Variants in NLGN1 observed in about 807,000 individuals in gnomAD.
NLGN1 encodes neuroligin 1, also known as neuroligin-1.
NLGN1 carries 12 observed loss-of-function variants against 65.5 expected under a neutral mutation model. The ratio of observed to expected loss-of-function variants is 0.18; its 90% CI spans 0.12 to 0.30. NLGN1 has a LOEUF of 0.30. NLGN1 is among the 10% of genes least tolerant of loss of function. NLGN1 has a pLI of 1.00. For synonymous variants in NLGN1, 350 were observed against 359.5 expected, an observed-to-expected ratio of 0.97 and a Z score of 0.30; for missense variants, 750 against 1,007.1, an observed-to-expected ratio of 0.74 and a Z score of 3.46.
rs1240755694 is a variant in NLGN1 at position 173,498,886 on chromosome 3, CT to C, written c.-321+63813del. 4.0e-5 allele frequency among the ~76,000 whole-genome samples: 6 copies of C among 151,706 alleles called. 1 individual carries two copies. Among genetic ancestry groups the C allele is most frequent in the African/African-American group, 1.5e-4 (6 of 41,006 alleles). On this transcript the variant is annotated intron_variant, in intron 2 of 6. Transcript: ENST00000457714. Reference sequence around the variant, plus strand: ...AGTGTCTGTTCATATCCTTCGCCCACTTTTTGATGGGGTTGTTTGTTTTTTT... The same window carrying C: ...AGTGTCTGTTCATATCCTTCGCCCACTTTTGATGGGGTTGTTTGTTTTTTT...
intron 4 of NLGN1, among the ~76,000 whole-genome samples, chr3:174,063,592 A>G (rs994924741): frequency 6.6e-5 from 10 of 152,130 alleles, no homozygotes; most frequent in African/African-American, 2.2e-4. Flanking sequence ...AAATAAAATT[A>G]TGTCATGAGG....
chr3:173,644,986 G>C (rs1181875720), intron 3 of NLGN1, among the ~76,000 whole-genome samples: 1 of 152,208 alleles, frequency 6.6e-6, no homozygotes, highest in South Asian at 2.1e-4. Context: ...GTGGTGGGAG[G>C]CTGTGGGTAA....
intron 4 of NLGN1, among the ~76,000 whole-genome samples, chr3:174,180,392 G>T (rs1265444459): frequency 1.3e-5 from 2 of 152,102 alleles, no homozygotes; most frequent in African/African-American, 2.4e-5. Context: ...ATAACAAAGT[G>T]AATAAACAAG....
intron 2 of NLGN1, among the ~76,000 whole-genome samples, chr3:173,596,530 T>C (rs1432505134): frequency 6.6e-6 from 1 of 152,264 alleles, no homozygotes; most frequent in African/African-American, 2.4e-5. Context: ...AAGATGATAA[T>C]GATCTCTACC....
At chr3:174,144,918 T>G in intron 4 of NLGN1, among the ~76,000 whole-genome samples, 1 of 152,214 alleles carries the variant, frequency 6.6e-6, no homozygotes, top group Non-Finnish European at 1.5e-5. Context: ...TAGATCCCAT[T>G]TGTCAATTTT....
chr3:173,984,147 C>T (rs1719388294), intron 4 of NLGN1, among the ~76,000 whole-genome samples: 1 of 152,178 alleles, frequency 6.6e-6, no homozygotes, highest in Non-Finnish European at 1.5e-5. Context: ...CTAAGGAAAC[C>T]TCCAAGAGTA....
intron 4 of NLGN1, among the ~76,000 whole-genome samples, chr3:174,041,954 T>G (rs922350661): frequency 6.6e-6 from 1 of 152,040 alleles, no homozygotes; most frequent in African/African-American, 2.4e-5. Context: ...TTTGGGAGGC[T>G]GAAGCAGGAG....
chr3:173,604,997 G>C (rs746271611), exon 3 of NLGN1: 1 of 1,613,570 alleles, frequency 6.2e-7, no homozygotes, highest in Admixed American at 1.7e-5. Context: ...TGCTTCCTGT[G>C]TGGTTTACTA....
At chr3:173,711,447 T>C (rs1768966434) in intron 3 of NLGN1, among the ~76,000 whole-genome samples, 1 of 152,184 alleles carries the variant, frequency 6.6e-6, no homozygotes, top group Non-Finnish European at 1.5e-5. Flanking sequence ...ACTTGTTTCC[T>C]TAAATCCAAC....
intron 3 of NLGN1, among the ~76,000 whole-genome samples, chr3:173,682,891 T>A (rs902309837): frequency 6.6e-6 from 1 of 152,200 alleles, no homozygotes; most frequent in Non-Finnish European, 1.5e-5. Context: ...CAAATTTAGA[T>A]ATCTCTTTAG....
At chr3:173,494,671 T>G (rs1055949244) in intron 2 of NLGN1, among the ~76,000 whole-genome samples, 3 of 151,952 alleles carry the variant, frequency 2.0e-5, no homozygotes, top group African/African-American at 7.3e-5. Context: ...TCAGATTTTG[T>G]GTTTAGATAT....
intron 4 of NLGN1, among the ~76,000 whole-genome samples, chr3:174,087,656 T>C (rs995547360): frequency 2.6e-5 from 4 of 152,174 alleles, no homozygotes; most frequent in African/African-American, 4.8e-5. Context: ...CCTTTAGATA[T>C]AATGTAAAGT....
chr3:173,897,305 A>G (rs1736507498), intron 4 of NLGN1, among the ~76,000 whole-genome samples: 1 of 152,236 alleles, frequency 6.6e-6, no homozygotes, highest in South Asian at 2.1e-4. Context: ...ATCATAAAAT[A>G]TCTACTATCT....
chr3:174,163,245 T>G (rs548218193), intron 4 of NLGN1, among the ~76,000 whole-genome samples: 1 of 152,108 alleles, frequency 6.6e-6, no homozygotes, highest in Non-Finnish European at 1.5e-5. Context: ...ACTTTAAAAA[T>G]TTTTTCTCCT....
chr3:173,746,853 G>A (rs1385926688), intron 3 of NLGN1, among the ~76,000 whole-genome samples: 2 of 151,700 alleles, frequency 1.3e-5, no homozygotes, highest in African/African-American at 4.8e-5. Flanking sequence ...GACCAGCTTA[G>A]GTAACATAAC....
intron 4 of NLGN1, among the ~76,000 whole-genome samples, chr3:174,266,983 A>T (rs1748374346): frequency 6.6e-6 from 1 of 152,148 alleles, no homozygotes; most frequent in Non-Finnish European, 1.5e-5. Context: ...TTTATACAAC[A>T]TATATTAAGC....
At chr3:173,758,755 A>T (rs1302000552) in intron 3 of NLGN1, among the ~76,000 whole-genome samples, 1 of 152,032 alleles carries the variant, frequency 6.6e-6, no homozygotes, top group Non-Finnish European at 1.5e-5. Context: ...AACTTAAAAA[A>T]ATAGCTAAGC....
intron 4 of NLGN1, among the ~76,000 whole-genome samples, chr3:174,209,985 C>T (rs967943467): frequency 1.3e-5 from 2 of 152,118 alleles, no homozygotes; most frequent in Non-Finnish European, 2.9e-5. Context: ...ACCACAATGT[C>T]CTGGGCACCT....
intron 3 of NLGN1, among the ~76,000 whole-genome samples, chr3:173,725,110 C>T (rs192068460): frequency 1.8e-4 from 27 of 151,924 alleles, no homozygotes; most frequent in African/African-American, 6.0e-4. Flanking sequence ...CACACCAACA[C>T]GGCACATGGA....
Sources: gnomAD v4.1 joint callset for allele counts (sites outside exome capture counted in the v4.1 genomes callset) on GRCh38, gnomAD v4.1.1 for gene constraint, MANE v1.5 for transcripts, NCBI Gene and HGNC (gene_info 2026-07-23, HGNC 2026-07-21) for gene names.